GRID1: variants seen among roughly 807,000 people sequenced by gnomAD.
GRID1 encodes the protein glutamate ionotropic receptor delta type subunit 1.
A neutral mutation model predicts 98.0 loss-of-function variants in GRID1; 28 were observed. That is an observed-to-expected ratio of 0.29 (90% confidence interval 0.21 to 0.39). The LOEUF (loss-of-function observed/expected upper bound fraction) is 0.39, where lower values mean the gene tolerates loss of function less well. GRID1 is among the 10% of genes least tolerant of loss of function. The pLI is 1.00. For synonymous variants in GRID1, 553 were observed against 538.5 expected, an observed-to-expected ratio of 1.03 and a Z score of -0.37; for missense variants, 1,111 against 1,340.5, an observed-to-expected ratio of 0.83 and a Z score of 2.67.
intron 13 of GRID1, among the ~76,000 whole-genome samples, chr10:85,630,024 T>C (rs1842958084): frequency 6.6e-6 from 1 of 152,248 alleles, no homozygotes; most frequent in Non-Finnish European, 1.5e-5. Flanking sequence ...GAAAAATGTC[T>C]ACTCATGTCC....
chr10:85,969,382 GA>G lies in GRID1; in HGVS notation c.727-53144del, dbSNP rs570837585. On this transcript the variant is annotated intron_variant, in intron 4 of 15. Coordinates refer to ENST00000327946, the MANE Select transcript of GRID1 (RefSeq NM_017551.3). ...TGGAACACTCCATTCAACAAGAGGAGAATTCTTCTCATGCACACATGGAACA... is the reference window on the plus strand; with the variant it reads ...TGGAACACTCCATTCAACAAGAGGAGATTCTTCTCATGCACACATGGAACA... Among the ~76,000 whole-genome samples the G allele has an allele frequency of 1.8e-3, 274 of 152,254 alleles. 1 individual carries two copies. The highest frequency in any genetic ancestry group is 6.2e-3 in the African/African-American group (259 of 41,560).
chr10:85,980,504 C>G (rs1364278721), intron 4 of GRID1, among the ~76,000 whole-genome samples: 1 of 152,246 alleles, frequency 6.6e-6, no homozygotes, highest in Admixed American at 6.5e-5. Context: ...CTCTCAACCG[C>G]AAATTTCTGG....
intron 3 of GRID1, among the ~76,000 whole-genome samples, chr10:86,140,968 C>A (rs1845002636): frequency 6.6e-6 from 1 of 152,096 alleles, no homozygotes; most frequent in South Asian, 2.1e-4. Flanking sequence ...TGCATGATCA[C>A]CCAACCATGA....
chr10:85,603,464 C>T (rs1215154980), intron 15 of GRID1, among the ~76,000 whole-genome samples: 1 of 152,218 alleles, frequency 6.6e-6, no homozygotes, highest in Admixed American at 6.5e-5. Context: ...TACTGTCTCA[C>T]CACAGTGGGT....
chr10:86,174,362 G>C lies in GRID1; in HGVS notation c.520+32002C>G, dbSNP rs1169128799. On this transcript the variant is annotated intron_variant, in intron 3 of 15. Transcript: ENST00000327946. ...ACATATCTGCAGCTATCTGATCTTT[G>C]ACAAACCTGAGAAAAACAAGCAATG... 2.6e-5 allele frequency among the ~76,000 whole-genome samples: 4 copies of C among 152,138 alleles called. No homozygotes were observed. In the East Asian group the frequency reaches 7.7e-4, roughly 29 times the overall value.
intron 15 of GRID1, among the ~76,000 whole-genome samples, chr10:85,604,485 C>T (rs1842628338): frequency 6.6e-6 from 1 of 152,140 alleles, no homozygotes; most frequent in East Asian, 1.9e-4. Flanking sequence ...GAAGCCCACC[C>T]ACACAAGCAG....
chr10:85,787,627 T>A (rs189251737), intron 8 of GRID1, among the ~76,000 whole-genome samples: 10 of 152,108 alleles, frequency 6.6e-5, no homozygotes, highest in Admixed American at 2.0e-4. Context: ...CTCTGTGACA[T>A]CCACTGCTTC....
At chr10:86,337,529 G>A (rs1340821785) in intron 2 of GRID1, among the ~76,000 whole-genome samples, 2 of 152,096 alleles carry the variant, frequency 1.3e-5, no homozygotes, top group African/African-American at 4.8e-5. Context: ...ATCAGTAGGG[G>A]TGGCCTAGAC....
chr10:85,608,115 C>T (rs1414798371), intron 15 of GRID1, among the ~76,000 whole-genome samples: 2 of 152,134 alleles, frequency 1.3e-5, no homozygotes, highest in Non-Finnish European at 2.9e-5. Context: ...TACACCCAGC[C>T]CAAAACCTGG....
chr10:85,616,697 C>A lies in GRID1; in HGVS notation c.2361-3050G>T, dbSNP rs115891790. ...GACAGAGGAAAGCTAAAACAAGTCACGGGTACAAAATGACTTTGAAAATGA... is the reference window on the plus strand; with the variant it reads ...GACAGAGGAAAGCTAAAACAAGTCAAGGGTACAAAATGACTTTGAAAATGA... On this transcript the variant is annotated intron_variant, in intron 14 of 15. Transcript: ENST00000327946. Among the ~76,000 whole-genome samples the A allele has an allele frequency of 3.6e-3, 555 of 152,248 alleles. 7 individuals are homozygous for A. Among genetic ancestry groups the A allele is most frequent in the African/African-American group, 0.013 (530 of 41,530 alleles).
At chr10:86,339,523 C>T (rs1370304674) in intron 2 of GRID1, among the ~76,000 whole-genome samples, 3 of 152,342 alleles carry the variant, frequency 2.0e-5, no homozygotes, top group South Asian at 2.1e-4. Flanking sequence ...GGATGCACAC[C>T]GAGGAAGAAA....
intron 8 of GRID1, among the ~76,000 whole-genome samples, chr10:85,799,230 T>C (rs759037175): frequency 9.2e-5 from 14 of 152,136 alleles, no homozygotes; most frequent in Non-Finnish European, 1.3e-4. Flanking sequence ...TACCAACCTG[T>C]TTGGTTACTA....
intron 2 of GRID1, among the ~76,000 whole-genome samples, chr10:86,210,732 T>C (rs1045924024): frequency 4.6e-5 from 7 of 152,264 alleles, no homozygotes; most frequent in Non-Finnish European, 8.8e-5. Flanking sequence ...AGAGGCCCGA[T>C]GTGAGTCAAT....
At chr10:85,777,112 C>T (rs893280561) in intron 8 of GRID1, among the ~76,000 whole-genome samples, 7 of 152,198 alleles carry the variant, frequency 4.6e-5, no homozygotes, top group African/African-American at 2.4e-5. Flanking sequence ...AATTCTCCAA[C>T]CTAATGTATA....
chr10:85,995,889 G>C (rs921744290), intron 4 of GRID1, among the ~76,000 whole-genome samples: 4 of 152,212 alleles, frequency 2.6e-5, no homozygotes, highest in African/African-American at 9.6e-5. Flanking sequence ...GCTCACTCCT[G>C]AGCTGCTCAT....
chr10:86,303,973 A>G (rs1222041880), intron 2 of GRID1, among the ~76,000 whole-genome samples: 3 of 152,184 alleles, frequency 2.0e-5, no homozygotes, highest in Non-Finnish European at 4.4e-5. Context: ...GTCATTGGTC[A>G]TTACTTCTCG....
At chr10:85,931,374 AT>A (rs1221806604) in intron 4 of GRID1, among the ~76,000 whole-genome samples, 1 of 151,962 alleles carries the variant, frequency 6.6e-6, no homozygotes, top group Non-Finnish European at 1.5e-5. Flanking sequence ...TTTGTTACTT[AT>A]TTCTCTGATA....
chr10:86,319,283 T>G (rs1423508563), intron 2 of GRID1, among the ~76,000 whole-genome samples: 1 of 152,192 alleles, frequency 6.6e-6, no homozygotes, highest in Non-Finnish European at 1.5e-5. Context: ...CCTCCCTTTA[T>G]TTTCAAAGGC....
intron 2 of GRID1, among the ~76,000 whole-genome samples, chr10:86,292,177 G>A (rs1437508625): frequency 6.6e-6 from 1 of 152,190 alleles, no homozygotes; most frequent in East Asian, 1.9e-4. Flanking sequence ...CAGACTCAGG[G>A]GAACCTGACC....
Sources: allele counts gnomAD v4.1 joint callset (sites outside exome capture counted in the v4.1 genomes callset), GRCh38; gene constraint gnomAD v4.1.1; transcripts MANE v1.5; gene names NCBI Gene and HGNC (gene_info 2026-07-23, HGNC 2026-07-21).